IPO11: variants seen among roughly 807,000 people sequenced by gnomAD.
The protein encoded by IPO11 is importin 11, also known as importin-11.
In IPO11, 66 loss-of-function variants were observed where a neutral mutation model predicts 143.2. The observed-to-expected ratio is 0.46, with a 90% CI of 0.38 to 0.57. The LOEUF (loss-of-function observed/expected upper bound fraction) is 0.57. IPO11 is among the 20% of genes least tolerant of loss of function. The probability of loss-of-function intolerance (pLI) is 0.00; values close to 1 mark genes in which losing one functional copy is unlikely to be tolerated. For missense variants in IPO11, 1,026 were observed against 1,141.0 expected, an observed-to-expected ratio of 0.90 and a Z score of 1.45; for synonymous variants, 385 against 377.8, an observed-to-expected ratio of 1.02 and a Z score of -0.22.
intron 24 of IPO11, among the ~76,000 whole-genome samples, chr5:62,544,903 G>C (rs989558264): frequency 2.1e-4 from 32 of 152,216 alleles, no homozygotes; most frequent in African/African-American, 3.6e-4. Flanking sequence ...ATGTGAAGGA[G>C]CTCTTCAGGG....
chr5:62,586,768 A>AAAAAAAT (rs1554057003), intron 27 of IPO11, among the ~76,000 whole-genome samples: 1 of 28,918 alleles, frequency 3.5e-5, no homozygotes, highest in African/African-American at 1.3e-4. Context: ...AAAAAAAAAA[A>AAAAAAAT]ATATATATAT....
intron 19 of IPO11, among the ~76,000 whole-genome samples, chr5:62,515,036 T>C (rs1741960863): frequency 6.6e-6 from 1 of 152,212 alleles, no homozygotes; most frequent in Non-Finnish European, 1.5e-5. Context: ...ATGCTGACTT[T>C]TTAAAAAATA....
chr5:62,537,153 C>A, intron 23 of IPO11, 56 bp from the exon 24 acceptor site: 1 of 999,002 alleles, frequency 1.0e-6, no homozygotes, highest in South Asian at 1.5e-5. Context: ...AAATTTTATG[C>A]CTTTTTGATA....
intron 1 of IPO11, among the ~76,000 whole-genome samples, chr5:62,415,186 G>A (rs531221196): frequency 1.8e-4 from 27 of 152,074 alleles, no homozygotes; most frequent in Non-Finnish European, 2.9e-4. Flanking sequence ...TTTTTTTTGA[G>A]GCGGGGTCTC....
chr5:62,463,802 C>T (rs1745462637), intron 5 of IPO11, among the ~76,000 whole-genome samples: 1 of 151,216 alleles, frequency 6.6e-6, no homozygotes, highest in South Asian at 2.1e-4. Context: ...TACTGATATA[C>T]TGAACATACC....
At chr5:62,485,176 G>T (rs1204648731) in intron 11 of IPO11, among the ~76,000 whole-genome samples, 1 of 152,006 alleles carries the variant, frequency 6.6e-6, no homozygotes, top group Non-Finnish European at 1.5e-5. Flanking sequence ...TTTCCATAAA[G>T]AATTTTTATC....
intron 16 of IPO11, 62 bp downstream of exon 16, chr5:62,494,186 A>G (rs778498164): frequency 1.4e-6 from 2 of 1,420,336 alleles, no homozygotes; most frequent in East Asian, 2.4e-5. Context: ...CAAATCATCA[A>G]GTTCACAACA....
chr5:62,542,524 T>A (rs1742995650), intron 24 of IPO11, among the ~76,000 whole-genome samples: 1 of 152,150 alleles, frequency 6.6e-6, no homozygotes, highest in Non-Finnish European at 1.5e-5. Context: ...TAATATAGTA[T>A]GTTATATAAC....
At chr5:62,486,781 A>G (rs1746422251) in intron 12 of IPO11, among the ~76,000 whole-genome samples, 1 of 152,158 alleles carries the variant, frequency 6.6e-6, no homozygotes, top group Non-Finnish European at 1.5e-5. Flanking sequence ...ATATTAAAAA[A>G]TAGAATAATA....
chr5:62,415,713 C>A lies in IPO11; in HGVS notation c.-7+2784C>A, dbSNP rs147173847. 7.2e-3 allele frequency among the ~76,000 whole-genome samples: 1,096 copies of A among 152,160 alleles called. 13 individuals are homozygous for A. Among genetic ancestry groups the A allele is most frequent in the African/African-American group, 0.025 (1,030 of 41,508 alleles). On this transcript the variant is annotated intron_variant, in intron 1 of 29. Coordinates refer to ENST00000325324, the MANE Select transcript of IPO11 (RefSeq NM_016338.5). ...GAACTCTCGACCTCAGGTGATCCCCCTGCCTCAGCCTCCCAAAGTGCTGGG... is the reference window on the plus strand; with the variant it reads ...GAACTCTCGACCTCAGGTGATCCCCATGCCTCAGCCTCCCAAAGTGCTGGG...
intron 22 of IPO11, among the ~76,000 whole-genome samples, chr5:62,535,017 A>ATATTTATT (rs70981023): frequency 0.27 from 37,937 of 142,448 alleles, 5,400 homozygotes; most frequent in Middle Eastern, 0.34. Flanking sequence ...TATAATATTA[A>ATATTTATT]TATTTATTTA....
intron 22 of IPO11, among the ~76,000 whole-genome samples, 186 bp from the exon 23 acceptor site, chr5:62,536,516 T>C (rs1742740064): frequency 6.6e-6 from 1 of 152,178 alleles, no homozygotes; most frequent in Non-Finnish European, 1.5e-5. Context: ...CATTGGTGAC[T>C]GTACCCTTTA....
intron 22 of IPO11, among the ~76,000 whole-genome samples, chr5:62,536,367 C>G (rs1402194561): frequency 6.6e-6 from 1 of 151,696 alleles, no homozygotes; most frequent in Non-Finnish European, 1.5e-5. Context: ...AATGTTTCAC[C>G]CAGTGAAAAG....
intron 24 of IPO11, among the ~76,000 whole-genome samples, chr5:62,541,304 G>T (rs532433288): frequency 6.6e-6 from 1 of 151,996 alleles, no homozygotes; most frequent in South Asian, 2.1e-4. Context: ...CCGGGAGGCA[G>T]AGGTTGTGGT....
At chr5:62,507,346 A>C (rs530109538) in intron 19 of IPO11, among the ~76,000 whole-genome samples, 1 of 152,348 alleles carries the variant, frequency 6.6e-6, no homozygotes, top group African/African-American at 2.4e-5. Context: ...TGTGATTCTT[A>C]GTACTTGGTG....
At chr5:62,459,373 T>C (rs1333048072) in intron 5 of IPO11, among the ~76,000 whole-genome samples, 1 of 149,428 alleles carries the variant, frequency 6.7e-6, no homozygotes, top group East Asian at 2.0e-4. Flanking sequence ...ATTGACATTT[T>C]TGAGACTCTG....
chr5:62,469,863 C>T (rs1481995533), intron 6 of IPO11, among the ~76,000 whole-genome samples: 2 of 152,062 alleles, frequency 1.3e-5, no homozygotes, highest in Non-Finnish European at 2.9e-5. Context: ...ATTGTATTTC[C>T]ATTAATATAG....
chr5:62,489,043 A>G (rs1746513005), intron 13 of IPO11, among the ~76,000 whole-genome samples: 1 of 152,126 alleles, frequency 6.6e-6, no homozygotes, highest in Admixed American at 6.5e-5. Context: ...GCACATTAGC[A>G]TTTTGTGGTG....
intron 29 of IPO11, among the ~76,000 whole-genome samples, chr5:62,620,761 A>G (rs1746326702): frequency 6.6e-6 from 1 of 152,192 alleles, no homozygotes; most frequent in Non-Finnish European, 1.5e-5. Context: ...CTCTTATCAG[A>G]CTTAAGGTCT....
Sources: gnomAD v4.1 joint callset for allele counts (sites outside exome capture counted in the v4.1 genomes callset) on GRCh38, gnomAD v4.1.1 for gene constraint, MANE v1.5 for transcripts, NCBI Gene and HGNC (gene_info 2026-07-23, HGNC 2026-07-21) for gene names.